CHRD: variants seen among roughly 807,000 people sequenced by gnomAD.
CHRD encodes the protein chordin.
A neutral mutation model predicts 113.7 loss-of-function variants in CHRD; 69 were observed. The observed-to-expected ratio is 0.61, with a 90% CI of 0.50 to 0.74. The LOEUF (loss-of-function observed/expected upper bound fraction) is 0.74, where lower values mean the gene tolerates loss of function less well. Ranked by LOEUF, CHRD falls within the 30% of genes least tolerant of loss-of-function variation. The pLI, the probability that CHRD is intolerant of heterozygous loss-of-function variation, is 0.00. For synonymous variants in CHRD, 561 were observed against 540.8 expected (o/e 1.04, Z -0.52); for missense variants, 1,194 against 1,295.8 (o/e 0.92, Z 1.21).
Position 184,384,398 on chromosome 3 carries a change from CTG to C in CHRD, c.1441-138_1441-137del. ...GAAGCAGCAGGGGAGGGCCTTGAAA[CTG>C]GGCCTGCCAGGTCCTTATCCTGTGT... On this transcript the variant is annotated intron_variant, in intron 12 of 22. Transcript: ENST00000204604. The surrounding 1 kb of genome is among the most constrained non-coding windows in gnomAD (Gnocchi z 4.4). The C allele has an allele frequency of 9.7e-7, 1 of 1,029,706 alleles. No individual in the cohort carries two copies. Among genetic ancestry groups the C allele is most frequent in the East Asian group, 2.9e-5 (1 of 34,690 alleles). The allele number at this position is 1,029,706 out of a possible 1,614,324, so 63.8% of individuals were successfully genotyped here.
Position 184,381,575 on chromosome 3 carries a change from C to T in CHRD, c.462C>T (p.Asp154=). 1 of 1,608,542 alleles carries T rather than the reference C, an allele frequency of 6.2e-7. No homozygotes were observed. The highest frequency in any genetic ancestry group is 8.5e-7 in the Non-Finnish European group (1 of 1,177,764). Reference sequence around the variant, plus strand: ...ACCCGGAGCATCGCAGTTATAGCGACCGCGGGGAGCCAGGCGCTGAGGAGC... The same window carrying T: ...ACCCGGAGCATCGCAGTTATAGCGATCGCGGGGAGCCAGGCGCTGAGGAGC... The change falls in exon 4 of 23, where the codon GAC becomes GAT. Residue 154 remains aspartate, a synonymous_variant. Coordinates refer to ENST00000204604, the Ensembl canonical transcript of CHRD. The surrounding 1 kb of genome is among the most constrained non-coding windows in gnomAD (Gnocchi z 4.7).
chr3:184,386,995 T>TG (rs1716424434), intron 17 of CHRD, 56 bp from the exon 18 acceptor site: 1 of 1,613,644 alleles, frequency 6.2e-7, no homozygotes, highest in East Asian at 2.2e-5. Flanking sequence ...ACAGGTCCTT[T>TG]GGGGAGGGAA....
chr3:184,382,694 C>T, exon 8 of CHRD: 3 of 1,613,958 alleles, frequency 1.9e-6, no homozygotes, highest in Non-Finnish European at 2.5e-6. Flanking sequence ...GGGGGCATCA[C>T]CCTGCTCACT....
Position 184,384,081 on chromosome 3 carries a change from G to C in CHRD, c.1440+439G>C, listed in dbSNP as rs1422102900. Among the ~76,000 whole-genome samples the C allele has an allele frequency of 6.6e-6, 1 of 151,980 alleles. No individual in the cohort carries two copies. The highest frequency in any genetic ancestry group is 1.5e-5 in the Non-Finnish European group (1 of 67,986). ...AGAGCCACCGTGCCCGGCATGATTT[G>C]ACATTTTTAGTGAGCCCCAGACTAG... On this transcript the variant is annotated intron_variant, in intron 12 of 22. Coordinates refer to ENST00000204604, the Ensembl canonical transcript of CHRD. This position sits in a 1 kb window ranked among gnomAD's most constrained non-coding sequence, Gnocchi z 4.4.
rs539327743 is a variant in CHRD, at chr3:184,381,485, C to G, written c.383-11C>G. On this transcript the variant is annotated splice_polypyrimidine_tract_variant and intron_variant, in intron 3 of 22. Transcript: ENST00000204604. The surrounding 1 kb of genome is among the most constrained non-coding windows in gnomAD (Gnocchi z 4.7). ...CAGCTGAAGCCCGTGTTCTTACCCCCCCGCCCGCAGAGCGCAGCAGTTCGG... is the reference window on the plus strand; with the variant it reads ...CAGCTGAAGCCCGTGTTCTTACCCCGCCGCCCGCAGAGCGCAGCAGTTCGG... The G allele has an allele frequency of 3.2e-5, 50 of 1,586,936 alleles. No individual in the cohort carries two copies. Among genetic ancestry groups the G allele is most frequent in the Middle Eastern group, 3.4e-4 (2 of 5,934 alleles).
At position 184,380,282 on chromosome 3, in the gene CHRD, TCCTC is replaced by T. The variant is rs764321620; in HGVS notation, c.-27_-24del. 50 of 718,950 alleles carry T rather than the reference TCCTC, an allele frequency of 7.0e-5. No homozygotes were observed. The highest frequency in any genetic ancestry group is 3.4e-4 in the South Asian group (10 of 29,186). The allele number at this position is 718,950 out of a possible 1,614,324, so 44.5% of individuals were successfully genotyped here. A position where few individuals can be genotyped will look rare whatever the true frequency, so the allele number is the denominator to read the frequency against. ...CCTCCCTCCGCCCGCTCCCGCGCCCTCCTCCCTCCCTCCTCCCCAGCTGTCCCGT... is the reference window on the plus strand; with the variant it reads ...CCTCCCTCCGCCCGCTCCCGCGCCCTCCTCCCTCCTCCCCAGCTGTCCCGT... On this transcript the variant is annotated 5_prime_UTR_variant, in exon 1 of 23. Coordinates refer to ENST00000204604, the Ensembl canonical transcript of CHRD. This position sits in a 1 kb window ranked among gnomAD's most constrained non-coding sequence, Gnocchi z 6.3.
chr3:184,381,293 C>T lies in CHRD; in HGVS notation c.311C>T (p.Pro104Leu), dbSNP rs138217536. 6.2e-4 allele frequency: 998 copies of T among 1,612,578 alleles called. No homozygotes were observed. The highest frequency in any genetic ancestry group is 6.8e-4 in the Non-Finnish European group (799 of 1,179,708). ...AGGGTCAGCTGCAAGAACATCAAACCAGAGTGCCCAACCCCGGCCTGTGGG... is the reference window on the plus strand; with the variant it reads ...AGGGTCAGCTGCAAGAACATCAAACTAGAGTGCCCAACCCCGGCCTGTGGG... Residue 104 changes from proline (P) to leucine (L), a missense_variant, in exon 3 of 23, where the codon CCA (proline) becomes CTA (leucine). Coordinates refer to ENST00000204604, the Ensembl canonical transcript of CHRD. This position sits in a 1 kb window ranked among gnomAD's most constrained non-coding sequence, Gnocchi z 4.7.
At position 184,384,659 on chromosome 3, in the gene CHRD, C is replaced by A. The variant is rs1461994178; in HGVS notation, c.1563C>A (p.Ala521=). The A allele has an allele frequency of 3.1e-6, 5 of 1,595,132 alleles. No homozygotes were observed. The highest frequency in any genetic ancestry group is 4.3e-6 in the Non-Finnish European group (5 of 1,170,924). ...GAGAGCTTCGGGGGCACGTGGCTGC[C>A]CTGCCCTACTGTGGGCATAGCGCCC... Residue 521 remains alanine, a synonymous_variant, in exon 13 of 23, where the codon GCC becomes GCA. Transcript: ENST00000204604. This position sits in a 1 kb window ranked among gnomAD's most constrained non-coding sequence, Gnocchi z 4.4.
chr3:184,380,821 GGCCCT>G lies in CHRD; in HGVS notation c.252+28_252+32del. ...GTGAGTGCACCCCGCGGCCGGCCCG[GGCCCT>G]GGCGGGTGGGGAGCGCCGGGTCGCG... On this transcript the variant is annotated intron_variant, in intron 2 of 22. Coordinates refer to ENST00000204604, the Ensembl canonical transcript of CHRD. The surrounding 1 kb of genome is among the most constrained non-coding windows in gnomAD (Gnocchi z 6.3). 3.9e-6 allele frequency: 6 copies of G among 1,534,972 alleles called. No individual in the cohort carries two copies. Among genetic ancestry groups the G allele is most frequent in the Non-Finnish European group, 5.2e-6 (6 of 1,145,680 alleles).
In CHRD at chr3:184,381,397, C is replaced by A. The variant is rs1287925889; in HGVS notation, c.382+33C>A. ...TTGCTCCGCCCTGCGGGGAGGGAGG[C>A]AGGGCCACGATACTAGGTCCCGGGC... is the stretch of plus-strand genomic sequence containing the variant. On this transcript the variant is annotated intron_variant, in intron 3 of 22. Transcript: ENST00000204604. This position sits in a 1 kb window ranked among gnomAD's most constrained non-coding sequence, Gnocchi z 4.7. The A allele has an allele frequency of 6.3e-7, 1 of 1,594,234 alleles. No individual in the cohort carries two copies. The highest frequency in any genetic ancestry group is 1.3e-5 in the African/African-American group (1 of 74,710).
exon 16 of CHRD, chr3:184,386,605 G>A: frequency 1.9e-6 from 3 of 1,604,478 alleles, no homozygotes; most frequent in Non-Finnish European, 2.5e-6. Flanking sequence ...CGCCTGTGGT[G>A]CCTGGTCTCC....
At position 184,380,715 on chromosome 3, in the gene CHRD, T is replaced by C. The variant is rs768990411; in HGVS notation, c.172T>C (p.Tyr58His). ...AGGCTGCACCTTCGGCGGGAAGGTCTATGCCTTGGACGAGACGTGGCACCC... is the reference window on the plus strand; with the variant it reads ...AGGCTGCACCTTCGGCGGGAAGGTCCATGCCTTGGACGAGACGTGGCACCC... Residue 58 changes from tyrosine (Y) to histidine (H), a missense_variant, in exon 2 of 23, where the codon TAT (tyrosine) becomes CAT (histidine). By Grantham distance (83) the Tyr-to-His change is moderately conservative. Transcript: ENST00000204604. This position sits in a 1 kb window ranked among gnomAD's most constrained non-coding sequence, Gnocchi z 6.3. The C allele has an allele frequency of 1.9e-6, 3 of 1,597,126 alleles. No homozygotes were observed. The highest frequency in any genetic ancestry group is 2.6e-6 in the Non-Finnish European group (3 of 1,176,160).
intron 14 of CHRD, 97 bp from the exon 15 acceptor site, chr3:184,385,949 A>T: frequency 7.8e-7 from 1 of 1,281,796 alleles, no homozygotes. Context: ...GACTTTATTT[A>T]ACCTCCCTGG....
At position 184,388,325 on chromosome 3, in the gene CHRD, A is replaced by C. The variant is rs565120854; in HGVS notation, c.2555-262A>C. 6.6e-6 allele frequency among the ~76,000 whole-genome samples: 1 copy of C among 151,376 alleles called. No homozygotes were observed. Among genetic ancestry groups the C allele is most frequent in the South Asian group, 2.1e-4 (1 of 4,746 alleles). On this transcript the variant is annotated intron_variant, in intron 20 of 22. Coordinates refer to ENST00000204604, the Ensembl canonical transcript of CHRD. The surrounding 1 kb of genome is among the most constrained non-coding windows in gnomAD (Gnocchi z 6.1). ...TATCCACCCATACAACCATCCACCC[A>C]TTGATGCATCCATCCATGCATCCAT...
intron 15 of CHRD, 114 bp downstream of exon 15, chr3:184,386,273 A>G: frequency 1.6e-6 from 2 of 1,276,622 alleles, no homozygotes; most frequent in South Asian, 1.3e-5. Context: ...TGGTCGTATC[A>G]CAGCGCCCCC....
rs1240852594 is a variant in CHRD, at chr3:184,388,469, A to T, written c.2555-118A>T. 5.2e-6 allele frequency: 6 copies of T among 1,152,084 alleles called. No homozygotes were observed. The highest frequency in any genetic ancestry group is 7.4e-6 in the Non-Finnish European group (6 of 815,202). 71.4% of individuals were successfully genotyped at this position (1,152,084 alleles called of 1,614,324 possible). On this transcript the variant is annotated intron_variant, in intron 20 of 22. Transcript: ENST00000204604. The surrounding 1 kb of genome is among the most constrained non-coding windows in gnomAD (Gnocchi z 6.1). ...CATCCATTCATCTGCCCACCCACCC[A>T]TCCAAATTTATCACCTACTAAGTGC...
exon 15 of CHRD, chr3:184,386,050 A>C (rs777435775): frequency 6.2e-7 from 1 of 1,614,156 alleles, no homozygotes; most frequent in Non-Finnish European, 8.5e-7. Context: ...GTGCAGGCCC[A>C]GGGTGTGGTG....
In CHRD at chr3:184,387,722, G is replaced by A. The variant is rs1054239500; in HGVS notation, c.2452-209G>A. On this transcript the variant is annotated intron_variant, in intron 19 of 22. Transcript: ENST00000204604. This position sits in a 1 kb window ranked among gnomAD's most constrained non-coding sequence, Gnocchi z 6.1. ...GACCCTAGGCACCTTCTGTCCCTGAGCCTCACTTTCCTCTCCTGTAAGCAG... is the reference window on the plus strand; with the variant it reads ...GACCCTAGGCACCTTCTGTCCCTGAACCTCACTTTCCTCTCCTGTAAGCAG... Among the ~76,000 whole-genome samples the A allele has an allele frequency of 6.6e-6, 1 of 152,212 alleles. No homozygotes were observed. Among genetic ancestry groups the A allele is most frequent in the Non-Finnish European group, 1.5e-5 (1 of 68,030 alleles).
At position 184,386,151 on chromosome 3, in the gene CHRD, C is replaced by T. The variant is rs1454136648; in HGVS notation, c.1924C>T (p.Arg642Ter). 6.2e-6 allele frequency: 10 copies of T among 1,614,056 alleles called. No homozygotes were observed. Among genetic ancestry groups the T allele is most frequent in the South Asian group, 1.1e-5 (1 of 91,054 alleles). The change falls in exon 15 of 23, where the codon CGA (arginine) becomes TGA (stop). Residue 642 changes from arginine to a stop codon, truncating the protein, a stop_gained. Transcript: ENST00000204604. LOFTEE classifies it high-confidence loss of function. Reference sequence around the variant, plus strand: ...CAAGGGTAGCCCCAGAGGGGAGCTCCGAGGGCAGGTAGGTGGCGAGTGTGG... The same window carrying T: ...CAAGGGTAGCCCCAGAGGGGAGCTCTGAGGGCAGGTAGGTGGCGAGTGTGG...
Sources: gnomAD v4.1 joint callset for allele counts (sites outside exome capture counted in the v4.1 genomes callset) on GRCh38, gnomAD v4.1.1 for gene constraint, Gnocchi (gnomAD v3.1) non-coding constraint, MANE v1.5 for transcripts, NCBI Gene and HGNC (gene_info 2026-07-23, HGNC 2026-07-21) for gene names.